Variants in CACNA2D3 observed in about 807,000 individuals in gnomAD.
CACNA2D3 encodes voltage-dependent calcium channel subunit alpha-2/delta-3.
Under a neutral mutation model 160.6 loss-of-function variants are expected in CACNA2D3, and 60 were observed. That is an observed-to-expected ratio of 0.37 (90% CI 0.30 to 0.46). The LOEUF is 0.46. CACNA2D3 is among the 20% of genes least tolerant of loss of function. The probability of loss-of-function intolerance (pLI) is 1.00; values close to 1 mark genes in which losing one functional copy is unlikely to be tolerated. For missense variants in CACNA2D3, 1,205 were observed against 1,365.0 expected (o/e 0.88, Z 1.85); for synonymous variants, 558 against 492.9 (o/e 1.13, Z -1.75).
In CACNA2D3 at chr3:54,357,782, G is replaced by T. The variant is rs532557547; in HGVS notation, c.322-28933G>T. Reference sequence around the variant, plus strand: ...CTATGAGAAGACCTGGAGGAAATTCGAATGCAACCTGCTAAGTGAAAGAAG... The same window carrying T: ...CTATGAGAAGACCTGGAGGAAATTCTAATGCAACCTGCTAAGTGAAAGAAG... On this transcript the variant is annotated intron_variant, in intron 3 of 37. Transcript: ENST00000474759. Among the ~76,000 whole-genome samples, 416 of 152,298 alleles carry T rather than the reference G, an allele frequency of 2.7e-3. 2 individuals are homozygous for T. Among genetic ancestry groups the T allele is most frequent in the Middle Eastern group, 6.8e-3 (2 of 294 alleles).
Position 54,518,325 on chromosome 3 carries a change from A to C in CACNA2D3, c.544+14671A>C, listed in dbSNP as rs566875709. On this transcript the variant is annotated intron_variant, in intron 5 of 37. Transcript: ENST00000474759. ...GGGGAGAAGCTACCTGTGAGAAAGAATGGCAAGGAATGGTAGAGAGAGGGT... is the reference window on the plus strand; with the variant it reads ...GGGGAGAAGCTACCTGTGAGAAAGACTGGCAAGGAATGGTAGAGAGAGGGT... Among the ~76,000 whole-genome samples the C allele has an allele frequency of 2.0e-5, 3 of 152,252 alleles. No homozygotes were observed. In the South Asian group the frequency reaches 6.2e-4, roughly 32 times the overall value.
intron 14 of CACNA2D3, among the ~76,000 whole-genome samples, chr3:54,820,062 T>C (rs971538943): frequency 1.3e-5 from 2 of 152,072 alleles, no homozygotes; most frequent in African/African-American, 4.8e-5. Flanking sequence ...AACCCCTGAG[T>C]TTGTTGTTCC....
rs1315782230 is a variant in CACNA2D3 at position 55,004,801 on chromosome 3, A to T, written c.2729A>T (p.Asn910Ile). 10 of 1,613,660 alleles carry T rather than the reference A, an allele frequency of 6.2e-6. No homozygotes were observed. Among genetic ancestry groups the T allele is most frequent in the Non-Finnish European group, 8.5e-6 (10 of 1,179,696 alleles). Reference protein sequence around the residue: ...LYDYQAMCRANKESSDGAHGL... With the variant: ...LYDYQAMCRAIKESSDGAHGL... ...GACTACCAAGCCATGTGTAGAGCCAACAAGGAAAGCAGCGATGGCGCCCAT... is the reference window on the plus strand; with the variant it reads ...GACTACCAAGCCATGTGTAGAGCCATCAAGGAAAGCAGCGATGGCGCCCAT... Residue 910 changes from asparagine (N) to isoleucine (I), a missense_variant, in exon 32 of 38, where the codon AAC becomes ATC. This residue lies in a region of CACNA2D3 where 911 missense variants were observed against 1,002.2 expected (regional missense o/e 0.91). Transcript: ENST00000474759.
intron 13 of CACNA2D3, among the ~76,000 whole-genome samples, chr3:54,775,870 A>G (rs1195572829): frequency 1.3e-5 from 2 of 152,286 alleles, no homozygotes; most frequent in African/African-American, 2.4e-5. Flanking sequence ...AGGACCATCA[A>G]GGAGCAAGAA....
intron 2 of CACNA2D3, among the ~76,000 whole-genome samples, chr3:54,319,150 AT>A (rs1305410475): frequency 7.6e-6 from 1 of 131,006 alleles, no homozygotes; most frequent in Non-Finnish European, 1.6e-5. Context: ...GAAGGGAAGC[AT>A]TTTGTGACAC....
intron 3 of CACNA2D3, among the ~76,000 whole-genome samples, chr3:54,322,631 C>A (rs1704028589): frequency 6.6e-6 from 1 of 152,126 alleles, no homozygotes; most frequent in Non-Finnish European, 1.5e-5. Context: ...GTCTGGCAAA[C>A]AGTAAATGTT....
intron 2 of CACNA2D3, among the ~76,000 whole-genome samples, chr3:54,312,790 T>C (rs544102953): frequency 6.6e-6 from 1 of 152,312 alleles, no homozygotes; most frequent in Non-Finnish European, 1.5e-5. Flanking sequence ...ACAAAGTTTC[T>C]CAGGCTTGCC....
At chr3:54,733,039 G>T (rs539145982) in intron 11 of CACNA2D3, among the ~76,000 whole-genome samples, 1 of 152,316 alleles carries the variant, frequency 6.6e-6, no homozygotes, top group East Asian at 1.9e-4. Flanking sequence ...CCACGGTAAT[G>T]CTTTGGCATC....
At chr3:54,577,334 G>A (rs1702601679) in intron 8 of CACNA2D3, among the ~76,000 whole-genome samples, 1 of 152,254 alleles carries the variant, frequency 6.6e-6, no homozygotes, top group Admixed American at 6.5e-5. Flanking sequence ...CAAAGACCCC[G>A]GTCCCTGGGA....
intron 27 of CACNA2D3, among the ~76,000 whole-genome samples, chr3:54,900,862 T>G (rs1880829): frequency 0.68 from 104,145 of 152,072 alleles, 36,031 homozygotes; most frequent in East Asian, 0.87. Context: ...CTTTATTTCT[T>G]ACTTGGCCTG....
At chr3:54,652,653 G>A (rs1051783931) in intron 11 of CACNA2D3, among the ~76,000 whole-genome samples, 32 of 152,114 alleles carry the variant, frequency 2.1e-4, no homozygotes, top group Admixed American at 1.1e-3. Flanking sequence ...GGTGGCTGGA[G>A]CCCAGTGGAC....
intron 35 of CACNA2D3, among the ~76,000 whole-genome samples, chr3:55,072,758 T>C (rs1704840240): frequency 6.6e-6 from 1 of 152,194 alleles, no homozygotes. Flanking sequence ...CACTTCACCA[T>C]GTTGGGCAAT....
chr3:54,327,144 C>A (rs1327862021), intron 3 of CACNA2D3, among the ~76,000 whole-genome samples: 2 of 152,152 alleles, frequency 1.3e-5, no homozygotes, highest in African/African-American at 4.8e-5. Flanking sequence ...GGGTTTCACC[C>A]CAAATGGGCC....
chr3:54,298,948 A>T, intron 2 of CACNA2D3, among the ~76,000 whole-genome samples: 1 of 59,498 alleles, frequency 1.7e-5, no homozygotes, highest in Non-Finnish European at 4.0e-5. Flanking sequence ...GTTTCTTAAA[A>T]AAAAAAAAAA....
At chr3:54,816,973 T>C (rs1337045036) in intron 14 of CACNA2D3, 103 bp downstream of exon 14, 1 of 1,368,038 alleles carries the variant, frequency 7.3e-7, no homozygotes, top group Non-Finnish European at 1.0e-6. Flanking sequence ...AGTGAAATGG[T>C]TTTTTTCCAC....
intron 4 of CACNA2D3, among the ~76,000 whole-genome samples, chr3:54,446,920 A>G (rs1441379870): frequency 1.3e-5 from 2 of 152,160 alleles, no homozygotes; most frequent in East Asian, 3.8e-4. Flanking sequence ...CAGCTCTCCG[A>G]CAAGGCCTCT....
chr3:54,803,140 A>G (rs1703034087), intron 13 of CACNA2D3, among the ~76,000 whole-genome samples: 1 of 152,198 alleles, frequency 6.6e-6, no homozygotes, highest in Admixed American at 6.5e-5. Context: ...GGAAACTCTA[A>G]AAAGCAGAGC....
At chr3:54,845,649 G>T (rs1393216202) in intron 16 of CACNA2D3, among the ~76,000 whole-genome samples, 1 of 152,202 alleles carries the variant, frequency 6.6e-6, no homozygotes, top group Non-Finnish European at 1.5e-5. Context: ...AATAAGTGCA[G>T]TGTTAAATTT....
intron 35 of CACNA2D3, among the ~76,000 whole-genome samples, chr3:55,069,157 C>T (rs1218891561): frequency 6.6e-6 from 1 of 152,094 alleles, no homozygotes. Flanking sequence ...TCACGAGTTT[C>T]GATGCTGGAT....
Sources: gnomAD v4.1 joint callset for allele counts (sites outside exome capture counted in the v4.1 genomes callset) on GRCh38, gnomAD v4.1.1 for gene constraint, gnomAD v4.1.1 regional missense constraint, MANE v1.5 for transcripts, NCBI Gene and HGNC (gene_info 2026-07-23, HGNC 2026-07-21) for gene names.